TENT5D: variants seen among roughly 807,000 people sequenced by gnomAD.
TENT5D encodes the protein terminal nucleotidyltransferase 5D, also known as cancer/testis antigen 112.
For synonymous variants in TENT5D, 103 were observed against 100.6 expected (o/e 1.02, Z -0.15); for missense variants, 191 against 287.0 (o/e 0.67, Z 2.42).
intron 3 of TENT5D, among the ~76,000 whole-genome samples, chrX:80,367,561 GT>G (rs1486822520): frequency 9.0e-6 from 1 of 111,417 alleles, no homozygotes; most frequent in African/African-American, 3.3e-5. Context: ...TTGTAGCACT[GT>G]TCACAATAGC....
chrX:80,400,497 C>T (rs1184380221), intron 3 of TENT5D, among the ~76,000 whole-genome samples: 2 of 111,815 alleles, frequency 1.8e-5, no homozygotes, highest in Non-Finnish European at 3.8e-5. Flanking sequence ...ACACATATCT[C>T]CTTAAATAAT....
chrX:80,343,272 CT>C (rs1424314039), intron 3 of TENT5D, among the ~76,000 whole-genome samples: 2 of 111,479 alleles, frequency 1.8e-5, no homozygotes, highest in Non-Finnish European at 3.8e-5. Context: ...GGTGCAGTCA[CT>C]GTGGCATCCC....
At chrX:80,388,351 C>G (rs747177471) in intron 3 of TENT5D, among the ~76,000 whole-genome samples, 27 of 111,605 alleles carry the variant, frequency 2.4e-4, no homozygotes, top group African/African-American at 8.8e-4. Flanking sequence ...TGGGTCACAA[C>G]TAAAATCAAT....
intron 3 of TENT5D, among the ~76,000 whole-genome samples, chrX:80,380,893 G>A (rs73630383): frequency 9.0e-6 from 1 of 111,416 alleles, no homozygotes; most frequent in Non-Finnish European, 1.9e-5. Context: ...GCACACTGAT[G>A]GGTCTTGAAT....
At chrX:80,354,779 C>T (rs780128006) in intron 3 of TENT5D, among the ~76,000 whole-genome samples, 4 of 108,535 alleles carry the variant, frequency 3.7e-5, no homozygotes, top group South Asian at 4.7e-4. Flanking sequence ...AGAGTTCTTG[C>T]GCTGTTTTTT....
chrX:80,377,900 GT>G (rs1930768144), intron 3 of TENT5D, among the ~76,000 whole-genome samples: 1 of 111,766 alleles, frequency 8.9e-6, no homozygotes, highest in South Asian at 3.7e-4. Context: ...AGCACCTGTG[GT>G]TTCCTGACTT....
chrX:80,385,302 A>AG (rs1255037193), intron 3 of TENT5D, among the ~76,000 whole-genome samples: 1 of 111,474 alleles, frequency 9.0e-6, no homozygotes, highest in Non-Finnish European at 1.9e-5. Context: ...GACAAACCTG[A>AG]GAAAAACAAG....
intron 1 of TENT5D, among the ~76,000 whole-genome samples, chrX:80,434,636 A>C (rs1034403991): frequency 9.0e-6 from 1 of 111,228 alleles, no homozygotes; most frequent in Non-Finnish European, 1.9e-5. Flanking sequence ...TTGCAACTAA[A>C]ATGAGTTTGT....
intron 3 of TENT5D, among the ~76,000 whole-genome samples, chrX:80,361,622 T>C (rs1409827937): frequency 8.9e-6 from 1 of 111,858 alleles, no homozygotes; most frequent in African/African-American, 3.2e-5. Context: ...TTGAAATTTT[T>C]TGATGATAAC....
chrX:80,400,505 A>G (rs111958148), intron 3 of TENT5D, among the ~76,000 whole-genome samples: 1,168 of 111,890 alleles, frequency 0.01, 24 homozygotes, highest in African/African-American at 0.036. Flanking sequence ...CTCCTTAAAT[A>G]ATACTTAATT....
intron 3 of TENT5D, among the ~76,000 whole-genome samples, chrX:80,366,956 G>T (rs1283518200): frequency 9.0e-6 from 1 of 111,344 alleles, no homozygotes; most frequent in Non-Finnish European, 1.9e-5. Flanking sequence ...AACCATGTGA[G>T]ATAGAAAATA....
At chrX:80,357,857 G>A (rs193150996) in intron 3 of TENT5D, among the ~76,000 whole-genome samples, 10 of 111,703 alleles carry the variant, frequency 9.0e-5, no homozygotes, top group African/African-American at 3.3e-4. Flanking sequence ...GCATTGCCAA[G>A]TCAATTCTAA....
At chrX:80,434,009 C>T (rs985534407) in intron 1 of TENT5D, among the ~76,000 whole-genome samples, 3 of 109,167 alleles carry the variant, frequency 2.7e-5, no homozygotes, top group African/African-American at 6.7e-5. Flanking sequence ...TGGTGGCAGG[C>T]GCCTGTAATC....
At chrX:80,406,307 A>G (rs1931493919) in intron 3 of TENT5D, among the ~76,000 whole-genome samples, 1 of 109,941 alleles carries the variant, frequency 9.1e-6, no homozygotes, top group African/African-American at 3.3e-5. Flanking sequence ...ACTCTGAGCT[A>G]CGGGAGGACA....
chrX:80,348,223 T>A (rs1384905491), intron 3 of TENT5D, among the ~76,000 whole-genome samples: 1 of 112,163 alleles, frequency 8.9e-6, no homozygotes, highest in Non-Finnish European at 1.9e-5. Context: ...CGTAGCTTGA[T>A]GGGGATACCC....
chrX:80,419,786 C>T (rs1314143882), upstream of TENT5D, among the ~76,000 whole-genome samples: 1 of 112,256 alleles, frequency 8.9e-6, no homozygotes, highest in Non-Finnish European at 1.9e-5. Flanking sequence ...TCATGGCTTA[C>T]TTCAGCCTTG....
chrX:80,435,381 A>G (rs1337769207), intron 1 of TENT5D, among the ~76,000 whole-genome samples: 1 of 112,265 alleles, frequency 8.9e-6, no homozygotes, highest in Non-Finnish European at 1.9e-5. Context: ...TAAACTAAAT[A>G]TTATACTTTT....
chrX:80,342,258 A>G (rs1452806675), intron 2 of TENT5D, among the ~76,000 whole-genome samples: 2 of 111,794 alleles, frequency 1.8e-5, no homozygotes, highest in East Asian at 2.8e-4. Flanking sequence ...AGAACTTTAC[A>G]TTAAGATGTT....
At chrX:80,362,707 C>G (rs1053776414) in intron 3 of TENT5D, among the ~76,000 whole-genome samples, 8 of 111,344 alleles carry the variant, frequency 7.2e-5, no homozygotes, top group Admixed American at 9.6e-5. Context: ...AATAATACAG[C>G]TCACTGTGGT....
Sources: gnomAD v4.1 joint callset for allele counts (sites outside exome capture counted in the v4.1 genomes callset) on GRCh38, gnomAD v4.1.1 for gene constraint, MANE v1.5 for transcripts, NCBI Gene and HGNC (gene_info 2026-07-23, HGNC 2026-07-21) for gene names.